The following STARD13 variants were observed in gnomAD, a reference collection of about 807,000 sequenced individuals.
STARD13 encodes stAR-related lipid transfer protein 13.
In STARD13, 62 loss-of-function variants were observed where a neutral mutation model predicts 106.4. That is an observed-to-expected ratio of 0.58 (90% CI 0.48 to 0.72). The LOEUF (loss-of-function observed/expected upper bound fraction) is 0.72, where lower values mean the gene tolerates loss of function less well. Among genes scored for constraint, STARD13 ranks in the 30% least tolerant of loss-of-function variants. The pLI, the probability that STARD13 is intolerant of heterozygous loss-of-function variation, is 0.00. For synonymous variants in STARD13, 565 were observed against 553.0 expected (o/e 1.02, Z -0.31); for missense variants, 1,387 against 1,424.0 (o/e 0.97, Z 0.42).
At position 33,317,474 on chromosome 13, in the gene STARD13, G is replaced by A. The variant is rs115631527; in HGVS notation, c.124+32816C>T. 4.9e-3 allele frequency among the ~76,000 whole-genome samples: 741 copies of A among 152,252 alleles called. 7 individuals carry two copies. Among genetic ancestry groups the A allele is most frequent in the African/African-American group, 0.017 (696 of 41,554 alleles). ...ATTCTCTCACCTACTGACTACTGCA[G>A]CAGCCCTGCTTTCATTCTTGCCCTC... On this transcript the variant is annotated intron_variant, in intron 1 of 5. Coordinates refer to the STARD13 transcript ENST00000567873.
the STARD13 span, among the ~76,000 whole-genome samples, chr13:33,464,821 G>A: frequency 6.6e-6 from 1 of 152,028 alleles, no homozygotes; most frequent in Admixed American, 6.6e-5. Context: ...GGGCAACAGA[G>A]CGAGACTCTT....
the STARD13 span, among the ~76,000 whole-genome samples, chr13:33,519,279 T>C: frequency 7.2e-6 from 1 of 139,516 alleles, no homozygotes; most frequent in African/African-American, 2.9e-5. Context: ...TTTCTTTTCT[T>C]TCTCTTTCTT....
At chr13:33,486,497 A>C in the STARD13 span, among the ~76,000 whole-genome samples, 380 of 152,368 alleles carry the variant, frequency 2.5e-3, 3 homozygotes, top group African/African-American at 8.7e-3. Context: ...ATATACTGTA[A>C]TAAAAGTTAT....
the STARD13 span, among the ~76,000 whole-genome samples, chr13:33,654,998 C>T: frequency 6.6e-6 from 1 of 152,192 alleles, no homozygotes; most frequent in Non-Finnish European, 1.5e-5. Flanking sequence ...TAGTCCCGTC[C>T]CTCACCCCTG....
At chr13:33,636,021 A>G in the STARD13 span, among the ~76,000 whole-genome samples, 2 of 151,854 alleles carry the variant, frequency 1.3e-5, no homozygotes, top group South Asian at 4.2e-4. Context: ...GGGCACCCGT[A>G]ATCCCAGCTA....
chr13:33,183,853 A>C (rs1381786920), intron 1 of STARD13, among the ~76,000 whole-genome samples: 1 of 152,176 alleles, frequency 6.6e-6, no homozygotes, highest in Non-Finnish European at 1.5e-5. Context: ...TGCCCCATTC[A>C]CACCTCCAAG....
At chr13:33,528,269 T>TAC in the STARD13 span, among the ~76,000 whole-genome samples, 68 of 132,684 alleles carry the variant, frequency 5.1e-4, no homozygotes, top group East Asian at 3.7e-3. Context: ...TATATATATA[T>TAC]ATATACTCTT....
At chr13:33,538,454 C>A in the STARD13 span, among the ~76,000 whole-genome samples, 4 of 152,112 alleles carry the variant, frequency 2.6e-5, no homozygotes, top group African/African-American at 7.2e-5. Flanking sequence ...GAAAGGGTCA[C>A]CTCAGGAGTA....
At chr13:33,131,549 C>T (rs1198574396) in intron 4 of STARD13, among the ~76,000 whole-genome samples, 1 of 151,958 alleles carries the variant, frequency 6.6e-6, no homozygotes, top group African/African-American at 2.4e-5. Context: ...CACCACTGCA[C>T]CCCAGCCGCA....
At chr13:33,110,169 T>A in intron 11 of STARD13, 79 bp from the exon 12 acceptor site, 1 of 1,307,002 alleles carries the variant, frequency 7.7e-7, no homozygotes, top group Non-Finnish European at 1.1e-6. Context: ...CTTTTAGTTT[T>A]GCTATCATAC....
chr13:33,518,646 A>T, the STARD13 span, among the ~76,000 whole-genome samples: 3 of 151,948 alleles, frequency 2.0e-5, no homozygotes, highest in Non-Finnish European at 4.4e-5. Flanking sequence ...GGTGGGGAGG[A>T]TGATAGGGCT....
intron 1 of STARD13, among the ~76,000 whole-genome samples, chr13:33,241,776 G>A (rs953896976): frequency 6.6e-6 from 1 of 152,134 alleles, no homozygotes; most frequent in African/African-American, 2.4e-5. Context: ...TCCTGACCGC[G>A]AGTGATCTGC....
chr13:33,182,203 A>G (rs1057218926), intron 1 of STARD13, among the ~76,000 whole-genome samples: 3 of 152,192 alleles, frequency 2.0e-5, no homozygotes, highest in African/African-American at 7.2e-5. Context: ...TTTCTGTTCT[A>G]TGCTTTCCTA....
chr13:33,384,818 G>C, the STARD13 span, among the ~76,000 whole-genome samples: 1 of 152,108 alleles, frequency 6.6e-6, no homozygotes, highest in South Asian at 2.1e-4. Flanking sequence ...TGCTGAGCAA[G>C]GAGGGACTTA....
chr13:33,298,462 C>T (rs1892587819), intron 1 of STARD13, among the ~76,000 whole-genome samples: 1 of 151,888 alleles, frequency 6.6e-6, no homozygotes, highest in Admixed American at 6.6e-5. Context: ...TGCCACAGAA[C>T]GTTCAGCTTC....
intron 1 of STARD13, among the ~76,000 whole-genome samples, chr13:33,297,581 C>G (rs1402077311): frequency 6.7e-6 from 1 of 148,840 alleles, no homozygotes. Context: ...GTGGTATAGA[C>G]TATGATTATA....
chr13:33,459,322 C>A, the STARD13 span, among the ~76,000 whole-genome samples: 6 of 152,118 alleles, frequency 3.9e-5, no homozygotes, highest in Non-Finnish European at 7.4e-5. Flanking sequence ...AGTTTGCATT[C>A]TTTAAAATTT....
At chr13:33,520,674 A>G in the STARD13 span, among the ~76,000 whole-genome samples, 1 of 151,820 alleles carries the variant, frequency 6.6e-6, no homozygotes, top group Non-Finnish European at 1.5e-5. Context: ...CTTCACATAC[A>G]CTTCTGATCC....
the STARD13 span, among the ~76,000 whole-genome samples, chr13:33,506,956 C>T: frequency 3.3e-5 from 5 of 151,990 alleles, no homozygotes; most frequent in Non-Finnish European, 5.9e-5. Context: ...TACAAATTAG[C>T]CAGGTGTGGT....
Sources: allele counts gnomAD v4.1 joint callset (sites outside exome capture counted in the v4.1 genomes callset), GRCh38; gene constraint gnomAD v4.1.1; transcripts MANE v1.5; gene names NCBI Gene and HGNC (gene_info 2026-07-23, HGNC 2026-07-21).